RPSA2: variants seen among roughly 807,000 people sequenced by gnomAD.
RPSA2 encodes the protein ribosomal protein SA 2.
the RPSA2 span, chr19:23,826,917 C>T: frequency 2.0e-6 from 1 of 509,674 alleles, no homozygotes; most frequent in East Asian, 3.8e-5. Flanking sequence ...ATCTCGAACT[C>T]CTTACCTTGT....
At chr19:23,795,698 A>G in the RPSA2 span, among the ~76,000 whole-genome samples, 1 of 152,010 alleles carries the variant, frequency 6.6e-6, no homozygotes, top group African/African-American at 2.4e-5. Flanking sequence ...AGGACTTCCT[A>G]TTTTATGTTG....
At chr19:23,795,189 GT>G in the RPSA2 span, among the ~76,000 whole-genome samples, 460 of 145,940 alleles carry the variant, frequency 3.2e-3, no homozygotes, top group African/African-American at 8.0e-3. Context: ...TTTTACAATA[GT>G]TTTTTTTTTT....
chr19:23,822,323 G>A, the RPSA2 span, among the ~76,000 whole-genome samples: 2 of 152,218 alleles, frequency 1.3e-5, no homozygotes, highest in Admixed American at 6.5e-5. Flanking sequence ...CATTAAGGGT[G>A]CCTTCAGGCA....
chr19:23,827,373 C>G, the RPSA2 span: 5 of 1,538,872 alleles, frequency 3.2e-6, no homozygotes, highest in African/African-American at 5.4e-5. Context: ...ATTGAAAACC[C>G]TGCTGATGTC....
At chr19:23,859,041 C>G in the RPSA2 span, among the ~76,000 whole-genome samples, 23 of 152,304 alleles carry the variant, frequency 1.5e-4, 2 homozygotes, top group East Asian at 4.4e-3. Context: ...ACCTCCAATC[C>G]TAAACCAACT....
the RPSA2 span, among the ~76,000 whole-genome samples, chr19:23,869,347 G>C: frequency 6.6e-6 from 1 of 152,178 alleles, no homozygotes; most frequent in African/African-American, 2.4e-5. Flanking sequence ...CCTTGGAAAA[G>C]TTATGTACTT....
At chr19:23,765,592 C>T in the RPSA2 span, among the ~76,000 whole-genome samples, 2 of 152,036 alleles carry the variant, frequency 1.3e-5, no homozygotes, top group African/African-American at 4.8e-5. Context: ...ATAATGGGAA[C>T]ACATAGACCC....
chr19:23,843,959 A>T, the RPSA2 span, among the ~76,000 whole-genome samples: 1 of 152,050 alleles, frequency 6.6e-6, no homozygotes, highest in Non-Finnish European at 1.5e-5. Context: ...GGGTTTCTTC[A>T]TGTTGTCCAG....
chr19:23,766,758 G>GT, the RPSA2 span, among the ~76,000 whole-genome samples: 66 of 134,060 alleles, frequency 4.9e-4, no homozygotes, highest in African/African-American at 1.8e-3. Context: ...CGGGCCAAAT[G>GT]TTTTTTTTTT....
At chr19:23,783,863 T>C in the RPSA2 span, among the ~76,000 whole-genome samples, 1 of 152,204 alleles carries the variant, frequency 6.6e-6, no homozygotes, top group Admixed American at 6.5e-5. Flanking sequence ...TTGTGACATA[T>C]ATCTGAGCCC....
At chr19:23,794,222 T>C in the RPSA2 span, among the ~76,000 whole-genome samples, 88 of 152,366 alleles carry the variant, frequency 5.8e-4, no homozygotes, top group East Asian at 0.014. Context: ...TACCCAATTA[T>C]GAGGTTGCTT....
At chr19:23,808,413 C>T in the RPSA2 span, among the ~76,000 whole-genome samples, 1 of 151,650 alleles carries the variant, frequency 6.6e-6, no homozygotes, top group Non-Finnish European at 1.5e-5. Flanking sequence ...ATTACAGGCA[C>T]CCGCCACCAT....
chr19:23,765,899 C>T, the RPSA2 span, among the ~76,000 whole-genome samples: 3 of 151,990 alleles, frequency 2.0e-5, no homozygotes, highest in Non-Finnish European at 4.4e-5. Context: ...ACATACCTGC[C>T]GTGTAGGAGT....
chr19:23,766,142 CCTTT>C, the RPSA2 span, among the ~76,000 whole-genome samples: 2 of 43,260 alleles, frequency 4.6e-5, no homozygotes, highest in African/African-American at 7.8e-5. Flanking sequence ...TATTTCATTT[CCTTT>C]TTTTTTTTTT....
the RPSA2 span, among the ~76,000 whole-genome samples, chr19:23,789,377 A>G: frequency 1.3e-5 from 2 of 151,452 alleles, no homozygotes; most frequent in African/African-American, 4.9e-5. Flanking sequence ...ATGTGATATG[A>G]CTCTCCTGTC....
At chr19:23,857,611 C>T in the RPSA2 span, among the ~76,000 whole-genome samples, 1 of 151,144 alleles carries the variant, frequency 6.6e-6, no homozygotes, top group African/African-American at 2.4e-5. Flanking sequence ...CTGCCTCAGC[C>T]TCCCAAGTAG....
chr19:23,826,922 C>T, the RPSA2 span: 2 of 514,172 alleles, frequency 3.9e-6, no homozygotes, highest in Admixed American at 3.2e-5. Context: ...GAACTCCTTA[C>T]CTTGTGATCT....
the RPSA2 span, among the ~76,000 whole-genome samples, chr19:23,860,356 C>CT: frequency 2.6e-5 from 4 of 152,276 alleles, no homozygotes; most frequent in East Asian, 1.9e-4. Context: ...ACTTAAACTG[C>CT]TTTTTTTGGT....
At chr19:23,868,808 A>C in the RPSA2 span, among the ~76,000 whole-genome samples, 3 of 152,168 alleles carry the variant, frequency 2.0e-5, no homozygotes, top group Non-Finnish European at 4.4e-5. Flanking sequence ...ATGGAATGGA[A>C]GACTGGAGGA....
Sources: gnomAD v4.1 joint callset for allele counts (sites outside exome capture counted in the v4.1 genomes callset) on GRCh38, gnomAD v4.1.1 for gene constraint, MANE v1.5 for transcripts, NCBI Gene and HGNC (gene_info 2026-07-23, HGNC 2026-07-21) for gene names.